The following MYLK variants were observed in gnomAD, a reference collection of about 807,000 sequenced individuals.
The protein encoded by MYLK is myosin light chain kinase, smooth muscle.
In MYLK, 106 loss-of-function variants were observed where a neutral mutation model predicts 203.4. The ratio of observed to expected loss-of-function variants is 0.52; its 90% CI spans 0.45 to 0.61. The LOEUF (loss-of-function observed/expected upper bound fraction) is 0.61, where lower values mean the gene tolerates loss of function less well. Among genes scored for constraint, MYLK ranks in the 20% least tolerant of loss-of-function variants. The probability of loss-of-function intolerance (pLI) is 0.00; values close to 1 mark genes in which losing one functional copy is unlikely to be tolerated. For missense variants in MYLK, 2,072 were observed against 2,442.3 expected (o/e 0.85, Z 3.20); for synonymous variants, 867 against 959.5 (o/e 0.90, Z 1.78).
chr3:123,872,903 G>A (rs2032897050), intron 2 of MYLK, among the ~76,000 whole-genome samples: 1 of 152,112 alleles, frequency 6.6e-6, no homozygotes, highest in Non-Finnish European at 1.5e-5. Context: ...AGGGTGTGCT[G>A]AAAATTCCAA....
At chr3:123,727,019 G>T (rs2062312382) in intron 11 of MYLK, among the ~76,000 whole-genome samples, 1 of 152,214 alleles carries the variant, frequency 6.6e-6, no homozygotes, top group African/African-American at 2.4e-5. Context: ...TAAGATGTGA[G>T]GGCCTACTAT....
chr3:123,822,032 TAAAA>T (rs35713614), intron 3 of MYLK, among the ~76,000 whole-genome samples: 1 of 151,928 alleles, frequency 6.6e-6, no homozygotes, highest in East Asian at 1.9e-4. Context: ...GTTTCTTATT[TAAAA>T]AAAAGTCCAA....
At chr3:123,744,594 G>A (rs558322404) in intron 5 of MYLK, among the ~76,000 whole-genome samples, 2 of 152,288 alleles carry the variant, frequency 1.3e-5, no homozygotes, top group South Asian at 4.2e-4. Flanking sequence ...ACGGGGTTGA[G>A]TAGTAAGAAA....
chr3:123,745,239 C>G (rs1263174931), intron 5 of MYLK, among the ~76,000 whole-genome samples: 1 of 152,062 alleles, frequency 6.6e-6, no homozygotes. Context: ...GAAGCCCATC[C>G]TGTACCCCTA....
chr3:123,728,980 G>C (rs1407370679), intron 11 of MYLK, among the ~76,000 whole-genome samples: 1 of 152,154 alleles, frequency 6.6e-6, no homozygotes, highest in African/African-American at 2.4e-5. Context: ...GAGCTAACAA[G>C]AGCCTGACCA....
chr3:123,765,217 A>G (rs2063664434), intron 4 of MYLK, among the ~76,000 whole-genome samples: 1 of 152,184 alleles, frequency 6.6e-6, no homozygotes, highest in Non-Finnish European at 1.5e-5. Flanking sequence ...AAATAATTGA[A>G]AGCAGGGACT....
chr3:123,757,286 A>G (rs556741168), intron 4 of MYLK, among the ~76,000 whole-genome samples: 4 of 152,356 alleles, frequency 2.6e-5, no homozygotes, highest in East Asian at 1.9e-4. Context: ...CTTTGTCCCT[A>G]TAGGTCCTCC....
chr3:123,699,957 C>G (rs2061114202), intron 18 of MYLK, 63 bp downstream of exon 18: 3 of 1,611,080 alleles, frequency 1.9e-6, no homozygotes, highest in Middle Eastern at 1.7e-4. Context: ...GACCAACGCT[C>G]CATGAGCTAG....
intron 29 of MYLK, among the ~76,000 whole-genome samples, chr3:123,635,959 G>T (rs190374444): frequency 5.3e-5 from 8 of 152,066 alleles, no homozygotes; most frequent in Non-Finnish European, 8.8e-5. Flanking sequence ...TCTCACAAAC[G>T]ATGTCAAGCA....
chr3:123,693,431 A>AGCCAGGGC (rs75917086), intron 18 of MYLK: 149,543 of 155,810 alleles, frequency 0.96, 72,076 homozygotes, highest in East Asian at 1. Flanking sequence ...TGGTGACTAC[A>AGCCAGGGC]CCCAGGAGCT....
chr3:123,666,131 C>G, intron 22 of MYLK, 88 bp downstream of exon 22: 1 of 1,604,748 alleles, frequency 6.2e-7, no homozygotes, highest in Non-Finnish European at 8.5e-7. Context: ...GAGGCCATCT[C>G]CAGCACGGCA....
intron 33 of MYLK, chr3:123,617,708 C>G (rs534793883): frequency 2.6e-5 from 4 of 152,346 alleles, no homozygotes; most frequent in African/African-American, 9.6e-5. Flanking sequence ...TGGGTGATAA[C>G]CCACCACCCT....
intron 3 of MYLK, among the ~76,000 whole-genome samples, chr3:123,828,007 C>T (rs530686480): frequency 3.3e-5 from 5 of 151,506 alleles, no homozygotes; most frequent in African/African-American, 9.7e-5. Context: ...CAAGTGGAAA[C>T]GCATCCTATG....
At chr3:123,624,840 G>T (rs1415011397) in intron 31 of MYLK, 1 of 152,176 alleles carries the variant, frequency 6.6e-6, no homozygotes, top group Non-Finnish European at 1.5e-5. Context: ...TGCTCAGGAT[G>T]GTGGTCACTT....
intron 27 of MYLK, among the ~76,000 whole-genome samples, chr3:123,645,648 G>A (rs1402637116): frequency 6.6e-6 from 1 of 152,178 alleles, no homozygotes; most frequent in African/African-American, 2.4e-5. Context: ...ATATTCACAG[G>A]CATGAGTGAA....
intron 13 of MYLK, among the ~76,000 whole-genome samples, chr3:123,718,891 C>T (rs2061995333): frequency 6.6e-6 from 1 of 152,182 alleles, no homozygotes; most frequent in African/African-American, 2.4e-5. Context: ...AGAACAATGC[C>T]TGGCACTGAT....
chr3:123,810,104 G>A (rs574818166), intron 3 of MYLK, among the ~76,000 whole-genome samples: 4 of 152,220 alleles, frequency 2.6e-5, no homozygotes, highest in African/African-American at 4.8e-5. Context: ...TTACCTGTCC[G>A]CACACCCATC....
At chr3:123,676,479 A>C (rs950446336) in intron 20 of MYLK, among the ~76,000 whole-genome samples, 2 of 152,244 alleles carry the variant, frequency 1.3e-5, no homozygotes, top group Non-Finnish European at 2.9e-5. Flanking sequence ...GAAATCTTGC[A>C]TGGAAAAGGG....
rs1386419730 is a variant in MYLK, at chr3:123,725,979, C to G, written c.1616G>C (p.Gly539Ala). Reference protein sequence around the residue: ...QDFVLQCSVRGTPVPRITWLL... With the variant: ...QDFVLQCSVRATPVPRITWLL... ...CCAAGTGATCCGGGGCACTGGGGTC[C>G]CCCGTACGGAGCACTGCAGCACAAA... The change falls in exon 12 of 34, where the codon GGG (glycine) becomes GCG (alanine). Residue 539 changes from glycine (G) to alanine (A), a missense_variant. Transcript: ENST00000360304. The G allele has an allele frequency of 1.9e-6, 3 of 1,614,030 alleles. No homozygotes were observed. The East Asian group carries it at 6.7e-5, about 36-fold the overall frequency.
Sources: allele counts gnomAD v4.1 joint callset (sites outside exome capture counted in the v4.1 genomes callset), GRCh38; gene constraint gnomAD v4.1.1; transcripts MANE v1.5; gene names NCBI Gene and HGNC (gene_info 2026-07-23, HGNC 2026-07-21).